Variants in SNTG1 observed in about 807,000 individuals in gnomAD.
SNTG1 encodes syntrophin gamma 1, also known as gamma-1-syntrophin.
SNTG1 carries 39 observed loss-of-function variants against 74.7 expected under a neutral mutation model. That is an observed-to-expected ratio of 0.52 (90% confidence interval 0.40 to 0.68). The LOEUF is 0.68. SNTG1 is among the 30% of genes least tolerant of loss of function. The pLI is 0.00. For missense variants in SNTG1, 685 were observed against 609.5 expected (o/e 1.12, Z -1.30); for synonymous variants, 254 against 217.1 (o/e 1.17, Z -1.49).
Position 50,324,435 on chromosome 8 carries a change from A to T in SNTG1, c.-27-69777A>T, listed in dbSNP as rs560166530. 1.6e-4 allele frequency among the ~76,000 whole-genome samples: 25 copies of T among 152,252 alleles called. No homozygotes were observed. The South Asian group carries it at 5.2e-3, about 32-fold the overall frequency. ...TATAAAGTTTAAACCAGGTACTGTG[A>T]TTGTTCACATGATTTTCGGTTCTTG... On this transcript the variant is annotated intron_variant, in intron 2 of 18. Transcript: ENST00000642720.
chr8:50,073,331 C>A (rs536280321), intron 1 of SNTG1, among the ~76,000 whole-genome samples: 1 of 152,300 alleles, frequency 6.6e-6, no homozygotes, highest in South Asian at 2.1e-4. Context: ...CTCATACATT[C>A]AAGTTTTATC....
At chr8:50,315,647 A>G (rs1180855233) in intron 2 of SNTG1, among the ~76,000 whole-genome samples, 1 of 144,232 alleles carries the variant, frequency 6.9e-6, no homozygotes, top group Non-Finnish European at 1.5e-5. Flanking sequence ...AATGAAGCAT[A>G]CTTCAAGTAT....
At chr8:50,459,800 A>G (rs1307641868) in intron 8 of SNTG1, among the ~76,000 whole-genome samples, 1 of 152,160 alleles carries the variant, frequency 6.6e-6, no homozygotes, top group African/African-American at 2.4e-5. Flanking sequence ...TTCACTTAGG[A>G]TAATAGCCTC....
At chr8:50,540,171 T>C (rs954822422) in intron 11 of SNTG1, among the ~76,000 whole-genome samples, 3 of 152,192 alleles carry the variant, frequency 2.0e-5, no homozygotes, top group Non-Finnish European at 4.4e-5. Context: ...GGCCACTCTG[T>C]CTTGGCCAGA....
intron 2 of SNTG1, among the ~76,000 whole-genome samples, chr8:50,269,949 G>T (rs879455185): frequency 1.3e-5 from 2 of 152,076 alleles, no homozygotes; most frequent in Non-Finnish European, 2.9e-5. Context: ...AGGACAAAAA[G>T]ATTTTTTCTT....
chr8:49,984,778 G>T (rs1813006107), intron 1 of SNTG1, among the ~76,000 whole-genome samples: 2 of 152,064 alleles, frequency 1.3e-5, no homozygotes, highest in African/African-American at 4.8e-5. Flanking sequence ...ATAGTTTAAG[G>T]AATTCTTACA....
chr8:50,601,251 G>A (rs2094773008), intron 13 of SNTG1, among the ~76,000 whole-genome samples: 1 of 146,526 alleles, frequency 6.8e-6, no homozygotes, highest in African/African-American at 2.6e-5. Context: ...TTTTTATGTA[G>A]GCACTTATAG....
intron 1 of SNTG1, among the ~76,000 whole-genome samples, chr8:49,915,612 T>C (rs1805959932): frequency 6.6e-6 from 1 of 152,232 alleles, no homozygotes; most frequent in African/African-American, 2.4e-5. Context: ...AACTTTCATT[T>C]TGACCTTCAA....
At chr8:50,405,680 TCGTAC>T (rs1259954718) in intron 4 of SNTG1, among the ~76,000 whole-genome samples, 2 of 152,100 alleles carry the variant, frequency 1.3e-5, no homozygotes, top group Non-Finnish European at 2.9e-5. Flanking sequence ...CTTCTATTGG[TCGTAC>T]CTTTTATACC....
chr8:50,102,775 T>C (rs1396970258), intron 1 of SNTG1, among the ~76,000 whole-genome samples: 2 of 150,984 alleles, frequency 1.3e-5, no homozygotes, highest in African/African-American at 4.9e-5. Context: ...GCTTTCTACA[T>C]ATGGCTAGCC....
chr8:50,367,871 G>A (rs550630903), intron 2 of SNTG1, among the ~76,000 whole-genome samples: 118 of 152,184 alleles, frequency 7.8e-4, no homozygotes, highest in Middle Eastern at 3.4e-3. Flanking sequence ...ACCAGGAAGT[G>A]GACTGCTGCT....
intron 8 of SNTG1, among the ~76,000 whole-genome samples, chr8:50,474,476 A>C (rs1166687269): frequency 1.3e-5 from 2 of 152,192 alleles, no homozygotes; most frequent in African/African-American, 4.8e-5. Flanking sequence ...ACATGAAAAA[A>C]TGCTCATCAT....
chr8:50,235,052 A>C (rs372626696), intron 2 of SNTG1, among the ~76,000 whole-genome samples: 6 of 152,134 alleles, frequency 3.9e-5, no homozygotes, highest in African/African-American at 1.4e-4. Flanking sequence ...AGTTGACAAA[A>C]ATTTAAGAAA....
intron 8 of SNTG1, among the ~76,000 whole-genome samples, chr8:50,460,137 A>C (rs1012979322): frequency 6.6e-5 from 10 of 152,186 alleles, no homozygotes; most frequent in African/African-American, 2.4e-4. Context: ...AACAGTGTAT[A>C]AGCATTCCCT....
At chr8:50,471,904 A>G (rs2093656982) in intron 8 of SNTG1, among the ~76,000 whole-genome samples, 1 of 152,210 alleles carries the variant, frequency 6.6e-6, no homozygotes, top group Admixed American at 6.5e-5. Context: ...TTGGATTTCT[A>G]TACACTAACA....
chr8:50,494,855 A>G (rs1441727096), intron 8 of SNTG1, among the ~76,000 whole-genome samples: 2 of 152,042 alleles, frequency 1.3e-5, no homozygotes, highest in Admixed American at 6.6e-5. Flanking sequence ...AATAAGTACA[A>G]TTTTATCAAA....
chr8:49,966,285 T>G (rs1187630599), intron 1 of SNTG1, among the ~76,000 whole-genome samples: 1 of 152,200 alleles, frequency 6.6e-6, no homozygotes, highest in Non-Finnish European at 1.5e-5. Context: ...ATTGTAAATT[T>G]GTTGATTTGT....
intron 1 of SNTG1, among the ~76,000 whole-genome samples, chr8:50,140,857 T>C (rs562378940): frequency 6.6e-6 from 1 of 152,328 alleles, no homozygotes; most frequent in South Asian, 2.1e-4. Flanking sequence ...CACATCATTG[T>C]ACAAATACTT....
intron 1 of SNTG1, among the ~76,000 whole-genome samples, chr8:50,051,326 G>A (rs1819557776): frequency 6.6e-6 from 1 of 150,892 alleles, no homozygotes; most frequent in South Asian, 2.1e-4. Flanking sequence ...CAGCATATAA[G>A]ATCGAAGTTT....
Sources: gnomAD v4.1 joint callset for allele counts (sites outside exome capture counted in the v4.1 genomes callset) on GRCh38, gnomAD v4.1.1 for gene constraint, MANE v1.5 for transcripts, NCBI Gene and HGNC (gene_info 2026-07-23, HGNC 2026-07-21) for gene names.